The following ZSCAN2 variants were observed in gnomAD, a reference collection of about 807,000 sequenced individuals.
The protein encoded by ZSCAN2 is zinc finger and SCAN domain containing 2.
A neutral mutation model predicts 47.8 loss-of-function variants in ZSCAN2; 26 were observed. The ratio of observed to expected loss-of-function variants is 0.54; its 90% CI spans 0.40 to 0.75. The LOEUF (loss-of-function observed/expected upper bound fraction) is 0.75, where lower values mean the gene tolerates loss of function less well. Among genes scored for constraint, ZSCAN2 ranks in the 30% least tolerant of loss-of-function variants. The pLI, the probability that ZSCAN2 is intolerant of heterozygous loss-of-function variation, is 0.00. For missense variants in ZSCAN2, 732 were observed against 785.4 expected (o/e 0.93, Z 0.81); for synonymous variants, 305 against 288.7 (o/e 1.06, Z -0.57).
At chr15:84,614,234 C>G (rs988266329) in intron 2 of ZSCAN2, among the ~76,000 whole-genome samples, 8 of 151,986 alleles carry the variant, frequency 5.3e-5, no homozygotes, top group African/African-American at 1.9e-4. Flanking sequence ...TCATGCAGTC[C>G]TCTCACCTCA....
At chr15:84,614,233 C>T (rs1339068039) in intron 2 of ZSCAN2, among the ~76,000 whole-genome samples, 2 of 151,930 alleles carry the variant, frequency 1.3e-5, no homozygotes, top group Admixed American at 6.6e-5. Flanking sequence ...CTCATGCAGT[C>T]CTCTCACCTC....
chr15:84,621,027 T>C lies in ZSCAN2; in HGVS notation c.832T>C (p.Tyr278His), dbSNP rs1319190806. 6.2e-7 allele frequency: 1 copy of C among 1,613,984 alleles called. No homozygotes were observed. Among genetic ancestry groups the C allele is most frequent in the African/African-American group, 1.3e-5 (1 of 74,920 alleles). The change falls in exon 3 of 3, where the codon TAC becomes CAC. Residue 278 changes from tyrosine to histidine, a missense_variant. Transcript: ENST00000546148. The surrounding 1 kb of genome is among the most constrained non-coding windows in gnomAD (Gnocchi z 5.7). ...HQTTHTGEKPYKCRDCGKSFS... is the reference protein window; with the variant it reads ...HQTTHTGEKPHKCRDCGKSFS... ...AACCACTCACACCGGGGAGAAGCCC[T>C]ACAAATGCAGAGACTGTGGGAAGAG...
intron 2 of ZSCAN2, among the ~76,000 whole-genome samples, chr15:84,604,738 C>CTTTTTT (rs11459006): frequency 7.8e-6 from 1 of 129,026 alleles, no homozygotes; most frequent in Non-Finnish European, 1.6e-5. Context: ...TTTCTTTTTT[C>CTTTTTT]TTTTTTTTTT....
chr15:84,611,979 A>C (rs1417580416), intron 2 of ZSCAN2: 1 of 152,204 alleles, frequency 6.6e-6, no homozygotes, highest in Non-Finnish European at 1.5e-5. Context: ...CGTGGTAAGA[A>C]TATTATTTTT....
At chr15:84,601,949 A>AC (rs1194865749) in intron 1 of ZSCAN2, 1 of 102,266 alleles carries the variant, frequency 9.8e-6, no homozygotes, top group Non-Finnish European at 1.9e-5. Flanking sequence ...CTGTGAGTTC[A>AC]TTTTTTTTTT....
rs764568812 is a variant in ZSCAN2 at position 84,621,926 on chromosome 15, G to A, written c.1731G>A (p.Gln577=). Residue 577 remains glutamine, a synonymous_variant, in exon 3 of 3, where the codon CAG becomes CAA. Coordinates refer to ENST00000546148, the MANE Select transcript of ZSCAN2 (RefSeq NM_181877.4). This position sits in a 1 kb window ranked among gnomAD's most constrained non-coding sequence, Gnocchi z 5.7. ...FSWNSVLIIH[Q]RIHTGEKPYK... is the part of the protein sequence containing the mutation. ...GGAACTCAGTCCTCATTATACATCA[G>A]CGAATCCACACTGGGGAGAAGCCCT... 6.2e-7 allele frequency: 1 copy of A among 1,614,158 alleles called. No individual in the cohort carries two copies. The highest frequency in any genetic ancestry group is 1.7e-5 in the Admixed American group (1 of 60,016).
At position 84,619,124 on chromosome 15, in the gene ZSCAN2, A is replaced by G. The variant is rs188464204; in HGVS notation, c.407-1478A>G. 6.0e-4 allele frequency among the ~76,000 whole-genome samples: 92 copies of G among 152,298 alleles called. 1 individual carries two copies. In the Middle Eastern group the frequency reaches 0.01, roughly 17 times the overall value. On this transcript the variant is annotated intron_variant, in intron 2 of 2. Transcript: ENST00000546148. ...AAGGTTTAACAAGTTCCTGGAAGAC[A>G]TATTACCAATTAAAGATCTATTCAT...
Position 84,603,822 on chromosome 15 carries a change from G to A in ZSCAN2, c.-106G>A. On this transcript the variant is annotated splice_region_variant and 5_prime_UTR_variant, in exon 2 of 3. Transcript: ENST00000546148. ...TGGTTCTCTTTTTTGTTTCTCAGCGGGACTACTTGTTGATATTTGAGGAGG... is the reference window on the plus strand; with the variant it reads ...TGGTTCTCTTTTTTGTTTCTCAGCGAGACTACTTGTTGATATTTGAGGAGG... 3 of 1,324,270 alleles carry A rather than the reference G, an allele frequency of 2.3e-6. No homozygotes were observed. In the East Asian group the frequency reaches 7.0e-5, roughly 31 times the overall value. 82.0% of individuals were successfully genotyped at this position (1,324,270 alleles called of 1,614,324 possible).
At chr15:84,608,771 T>C (rs946979412) in intron 2 of ZSCAN2, among the ~76,000 whole-genome samples, 3 of 152,154 alleles carry the variant, frequency 2.0e-5, no homozygotes, top group Non-Finnish European at 2.9e-5. Context: ...GGTAGTTCTA[T>C]TATGCTGCAA....
At position 84,623,039 on chromosome 15, in the gene ZSCAN2, T is replaced by C. The variant is rs1567014428; in HGVS notation, c.*999T>C. ...CTCTTCTTTTATTTTTTATTTGATA[T>C]ATGCCGAGCTAGAATCCTGTCGGGT... On this transcript the variant is annotated 3_prime_UTR_variant, in exon 3 of 3. Coordinates refer to ENST00000546148, the MANE Select transcript of ZSCAN2 (RefSeq NM_181877.4). 1.8e-5 allele frequency: 4 copies of C among 217,668 alleles called. No individual in the cohort carries two copies. Among genetic ancestry groups the C allele is most frequent in the East Asian group, 2.3e-4 (2 of 8,674 alleles). The allele number at this position is 217,668 out of a possible 1,614,324, so 13.5% of individuals were successfully genotyped here.
In ZSCAN2 at chr15:84,604,168, C is replaced by G. The variant is rs750842984; in HGVS notation, c.241C>G (p.Arg81Gly). The G allele has an allele frequency of 1.2e-6, 2 of 1,613,634 alleles. No homozygotes were observed. The highest frequency in any genetic ancestry group is 2.2e-5 in the South Asian group (2 of 91,030). ...RGPQGALGRL[R>G]ELCRRWLRPE... Reference sequence around the variant, plus strand: ...ACCACAGGGTGCACTCGGCCGCCTCCGAGAGCTCTGCCGGCGCTGGCTGAG... The same window carrying G: ...ACCACAGGGTGCACTCGGCCGCCTCGGAGAGCTCTGCCGGCGCTGGCTGAG... The change falls in exon 2 of 3, where the codon CGA becomes GGA. Residue 81 changes from arginine to glycine, a missense_variant. By Grantham distance (125) the Arg-to-Gly change is moderately radical. Around this residue, in one of 2 missense-constraint regions of ZSCAN2, gnomAD observed 320 missense variants for 287.4 expected, o/e 1.11. Transcript: ENST00000546148.
At chr15:84,619,871 T>C (rs1596037552) in intron 2 of ZSCAN2, among the ~76,000 whole-genome samples, 1 of 151,838 alleles carries the variant, frequency 6.6e-6, no homozygotes, top group South Asian at 2.1e-4. Context: ...TTCTGGGTGA[T>C]TGCCACAAAG....
At position 84,622,518 on chromosome 15, in the gene ZSCAN2, C is replaced by G. The variant is rs1253273186; in HGVS notation, c.*478C>G. On this transcript the variant is annotated 3_prime_UTR_variant, in exon 3 of 3. Coordinates refer to ENST00000546148, the MANE Select transcript of ZSCAN2 (RefSeq NM_181877.4). ...CCCAAGCTGTTAGTGTTCCAGGGCA[C>G]CCCAAGCTGTCAGTTAGAATCTGCT... The G allele has an allele frequency of 1.5e-6, 1 of 680,718 alleles. No individual in the cohort carries two copies. The highest frequency in any genetic ancestry group is 2.7e-6 in the Non-Finnish European group (1 of 367,050). 42.2% of individuals were successfully genotyped at this position (680,718 alleles called of 1,614,324 possible).
chr15:84,616,363 T>A (rs1434669403), intron 2 of ZSCAN2: 22 of 1,610,880 alleles, frequency 1.4e-5, no homozygotes, highest in Non-Finnish European at 1.9e-5. Context: ...CAGCCTCACC[T>A]CCTTTGCCTC....
intron 2 of ZSCAN2, chr15:84,606,937 C>G (rs576680339): frequency 2.1e-6 from 2 of 949,104 alleles, no homozygotes; most frequent in African/African-American, 1.8e-5. Context: ...AACATTTACT[C>G]GACATAAGGC....
chr15:84,617,474 A>G (rs977626857), intron 2 of ZSCAN2, among the ~76,000 whole-genome samples: 1 of 152,004 alleles, frequency 6.6e-6, no homozygotes, highest in Non-Finnish European at 1.5e-5. Flanking sequence ...GAAACACAGA[A>G]TTCCTGGTTC....
intron 2 of ZSCAN2, among the ~76,000 whole-genome samples, chr15:84,616,094 G>A (rs984241345): frequency 1.4e-4 from 21 of 152,132 alleles, no homozygotes; most frequent in African/African-American, 4.6e-4. Context: ...ACAATGAGCC[G>A]GGGGTGGTGG....
chr15:84,611,531 T>G (rs917275432), intron 2 of ZSCAN2, among the ~76,000 whole-genome samples: 1 of 151,838 alleles, frequency 6.6e-6, no homozygotes, highest in African/African-American at 2.4e-5. Context: ...GTGGATCACC[T>G]GAGGTCAGGA....
chr15:84,606,529 C>T, intron 2 of ZSCAN2: 9 of 1,609,572 alleles, frequency 5.6e-6, no homozygotes, highest in Non-Finnish European at 6.8e-6. Flanking sequence ...TATTTTACAG[C>T]TGTAGCTGTC....
Sources: allele counts gnomAD v4.1 joint callset (sites outside exome capture counted in the v4.1 genomes callset), GRCh38; gene constraint gnomAD v4.1.1; regional missense constraint gnomAD v4.1.1; non-coding constraint Gnocchi (gnomAD v3.1); transcripts MANE v1.5; gene names NCBI Gene and HGNC (gene_info 2026-07-23, HGNC 2026-07-21).